TAFA5: variants seen among roughly 807,000 people sequenced by gnomAD.
TAFA5 encodes the protein chemokine-like protein TAFA-5.
Under a neutral mutation model 15.3 loss-of-function variants are expected in TAFA5, and 6 were observed. That is an observed-to-expected ratio of 0.39 (90% CI 0.21 to 0.77). The LOEUF is 0.77. Ranked by LOEUF, TAFA5 falls within the 30% of genes least tolerant of loss-of-function variation. The pLI, the probability that TAFA5 is intolerant of heterozygous loss-of-function variation, is 0.41. For synonymous variants in TAFA5, 103 were observed against 80.7 expected (o/e 1.28, Z -1.48); for missense variants, 161 against 193.1 (o/e 0.83, Z 0.98).
At chr22:48,557,047 G>A (rs1601577509) in intron 1 of TAFA5, among the ~76,000 whole-genome samples, 1 of 152,340 alleles carries the variant, frequency 6.6e-6, no homozygotes, top group East Asian at 1.9e-4. Flanking sequence ...CCACCGTTGG[G>A]AGGCCCGCAG....
At chr22:48,587,704 G>T (rs1034854954) in intron 1 of TAFA5, among the ~76,000 whole-genome samples, 1 of 152,198 alleles carries the variant, frequency 6.6e-6, no homozygotes, top group Non-Finnish European at 1.5e-5. Flanking sequence ...CAGGGTGCGG[G>T]TTCCCCACTT....
chr22:48,705,033 C>T (rs1399270702), intron 2 of TAFA5, among the ~76,000 whole-genome samples: 1 of 152,096 alleles, frequency 6.6e-6, no homozygotes, highest in Non-Finnish European at 1.5e-5. Flanking sequence ...TCTGGAGTCT[C>T]TTAAGGACAG....
chr22:48,489,654 C>G lies in TAFA5; in HGVS notation c.62C>G (p.Ser21Ter). ...QDATALPSMS[S>*]TFWAFMILAS... ...GCGACCGCCCTGCCCAGCATGTCCT[C>G]AACTTTCTGGGCGTTCATGATCCTG... Residue 21 changes from serine to a stop codon, truncating the protein, a stop_gained, in exon 1 of 4, where the codon TCA becomes TGA. Coordinates refer to ENST00000402357, the MANE Select transcript of TAFA5 (RefSeq NM_001082967.3). LOFTEE classifies it high-confidence loss of function. This position sits in a 1 kb window ranked among gnomAD's most constrained non-coding sequence, Gnocchi z 5.5. 6.5e-7 allele frequency: 1 copy of G among 1,532,360 alleles called. No individual in the cohort carries two copies. Among genetic ancestry groups the G allele is most frequent in the Non-Finnish European group, 8.8e-7 (1 of 1,140,172 alleles). 94.9% of individuals were successfully genotyped at this position (1,532,360 alleles called of 1,614,324 possible).
At chr22:48,689,447 C>T (rs1315066922) in intron 2 of TAFA5, among the ~76,000 whole-genome samples, 6 of 152,186 alleles carry the variant, frequency 3.9e-5, no homozygotes, top group Non-Finnish European at 8.8e-5. Flanking sequence ...AAAAGGCCAG[C>T]CTGTACCCTC....
intron 1 of TAFA5, among the ~76,000 whole-genome samples, chr22:48,614,750 C>T (rs1925534604): frequency 6.6e-6 from 1 of 152,214 alleles, no homozygotes; most frequent in Non-Finnish European, 1.5e-5. Flanking sequence ...TGCTGCGCGT[C>T]CTGTTGACCG....
intron 1 of TAFA5, among the ~76,000 whole-genome samples, chr22:48,515,903 G>A (rs1471213393): frequency 1.3e-5 from 2 of 151,996 alleles, no homozygotes; most frequent in Non-Finnish European, 2.9e-5. Flanking sequence ...CATCAGTCTC[G>A]GTGGGCAGGT....
chr22:48,508,618 A>C (rs1921097609), intron 1 of TAFA5, among the ~76,000 whole-genome samples: 1 of 152,132 alleles, frequency 6.6e-6, no homozygotes, highest in Non-Finnish European at 1.5e-5. Context: ...GACTCAACCC[A>C]AGCGTTCCCT....
intron 1 of TAFA5, among the ~76,000 whole-genome samples, chr22:48,625,100 G>A (rs1177874328): frequency 6.7e-6 from 1 of 148,952 alleles, no homozygotes; most frequent in Non-Finnish European, 1.5e-5. Context: ...GGGAAATAGA[G>A]TGAGACCCTG....
chr22:48,611,256 C>G (rs749654805), intron 1 of TAFA5, among the ~76,000 whole-genome samples: 1 of 152,242 alleles, frequency 6.6e-6, no homozygotes, highest in African/African-American at 2.4e-5. Context: ...GCTTTGAAAA[C>G]ACAGCTAGCG....
At chr22:48,713,403 C>T (rs1413351180) in intron 3 of TAFA5, among the ~76,000 whole-genome samples, 1 of 152,206 alleles carries the variant, frequency 6.6e-6, no homozygotes, top group Non-Finnish European at 1.5e-5. Flanking sequence ...CAAGAGGACA[C>T]TGAGGTCTCC....
intron 3 of TAFA5, among the ~76,000 whole-genome samples, chr22:48,708,885 A>G (rs1223544107): frequency 1.3e-5 from 2 of 152,168 alleles, no homozygotes. Flanking sequence ...AGCCTCCAAG[A>G]GAGGGCTCGG....
chr22:48,732,163 G>A (rs548190068), intron 3 of TAFA5, among the ~76,000 whole-genome samples: 1 of 152,358 alleles, frequency 6.6e-6, no homozygotes, highest in African/African-American at 2.4e-5. Context: ...GGAGTCTGAA[G>A]AGGGGACTGG....
intron 2 of TAFA5, among the ~76,000 whole-genome samples, chr22:48,665,943 C>T (rs532430773): frequency 4.6e-5 from 7 of 152,152 alleles, no homozygotes; most frequent in Admixed American, 1.3e-4. Flanking sequence ...CTGCCCCCAA[C>T]GCCCCCATCG....
At chr22:48,582,253 C>A (rs1240022343) in intron 1 of TAFA5, among the ~76,000 whole-genome samples, 1 of 151,888 alleles carries the variant, frequency 6.6e-6, no homozygotes, top group Admixed American at 6.6e-5. Context: ...ATACCATACA[C>A]CCCACATACT....
chr22:48,553,758 G>C (rs746853149), intron 1 of TAFA5, among the ~76,000 whole-genome samples: 26 of 152,226 alleles, frequency 1.7e-4, no homozygotes, highest in Non-Finnish European at 3.2e-4. Context: ...CTGACCTGGG[G>C]TGCAGCCCTG....
intron 1 of TAFA5, among the ~76,000 whole-genome samples, chr22:48,588,002 C>T (rs1924423680): frequency 6.6e-6 from 1 of 152,224 alleles, no homozygotes; most frequent in Admixed American, 6.5e-5. Context: ...AGAAGGGAAG[C>T]AGGCAGGCCC....
At chr22:48,609,498 G>A (rs916634102) in intron 1 of TAFA5, among the ~76,000 whole-genome samples, 5 of 152,228 alleles carry the variant, frequency 3.3e-5, no homozygotes, top group African/African-American at 1.2e-4. Flanking sequence ...GCTGGAGCCA[G>A]GAGGAGTGGG....
At chr22:48,678,967 C>T (rs755521494) in intron 2 of TAFA5, among the ~76,000 whole-genome samples, 331 of 147,218 alleles carry the variant, frequency 2.2e-3, no homozygotes, top group Non-Finnish European at 2.7e-3. Context: ...ATCCCTCTCC[C>T]GTCTCCCCGT....
At chr22:48,548,715 C>T (rs929878915) in intron 1 of TAFA5, among the ~76,000 whole-genome samples, 1 of 152,272 alleles carries the variant, frequency 6.6e-6, no homozygotes, top group Non-Finnish European at 1.5e-5. Context: ...ATCCCACTGG[C>T]TAAAGCAGGC....
Sources: gnomAD v4.1 joint callset for allele counts (sites outside exome capture counted in the v4.1 genomes callset) on GRCh38, gnomAD v4.1.1 for gene constraint, Gnocchi (gnomAD v3.1) non-coding constraint, MANE v1.5 for transcripts, NCBI Gene and HGNC (gene_info 2026-07-23, HGNC 2026-07-21) for gene names.